Variants in DIP2B observed in about 807,000 individuals in gnomAD.
DIP2B encodes disco-interacting protein 2 homolog B.
In DIP2B, 76 loss-of-function variants were observed where a neutral mutation model predicts 198.0. That is an observed-to-expected ratio of 0.38 (90% CI 0.32 to 0.46). DIP2B has a LOEUF of 0.46. DIP2B is among the 20% of genes least tolerant of loss of function. DIP2B has a pLI of 0.99. For missense variants in DIP2B, 1,559 were observed against 1,978.4 expected (o/e 0.79, Z 4.02); for synonymous variants, 701 against 739.1 (o/e 0.95, Z 0.84).
At chr12:50,525,357 CAAAA>C (rs71083585) in intron 1 of DIP2B, among the ~76,000 whole-genome samples, 6 of 105,840 alleles carry the variant, frequency 5.7e-5, no homozygotes, top group Non-Finnish European at 6.1e-5. Flanking sequence ...GACTCCATCT[CAAAA>C]AAAAAAAAAA....
rs1026359650 is a variant in DIP2B at position 50,744,646 on chromosome 12, A to G, written c.4538A>G (p.Gln1513Arg). 2 of 1,614,110 alleles carry G rather than the reference A, an allele frequency of 1.2e-6. No homozygotes were observed. Among genetic ancestry groups the G allele is most frequent in the African/African-American group, 2.7e-5 (2 of 74,942 alleles). ...GTTGTGGAACTGTGCGGCTCTGAAC[A>G]GGAAGCCCTAGATCTGGTCCCATTA... is the stretch of plus-strand genomic sequence containing the variant. ...VVVVELCGSE[Q>R]EALDLVPLVT... The change falls in exon 38 of 38, where the codon CAG becomes CGG. Residue 1513 changes from glutamine to arginine, a missense_variant. By Grantham distance (43) the Gln-to-Arg change is conservative (BLOSUM62 1). Coordinates refer to ENST00000301180, the MANE Select transcript of DIP2B (RefSeq NM_173602.3).
At chr12:50,640,660 G>A (rs1938239315) in intron 2 of DIP2B, 64 bp from the exon 3 acceptor site, 1 of 1,577,154 alleles carries the variant, frequency 6.3e-7, no homozygotes, top group Non-Finnish European at 8.7e-7. Context: ...AATGCTTAAA[G>A]TGCTTTAGAA....
At chr12:50,536,613 G>C (rs1958269908) in intron 1 of DIP2B, among the ~76,000 whole-genome samples, 1 of 151,252 alleles carries the variant, frequency 6.6e-6, no homozygotes, top group Non-Finnish European at 1.5e-5. Context: ...TGTCACCCTG[G>C]CTGGAGTGCA....
chr12:50,541,071 C>A (rs7487645), intron 1 of DIP2B, among the ~76,000 whole-genome samples: 9,782 of 151,928 alleles, frequency 0.064, 740 homozygotes, highest in East Asian at 0.36. Flanking sequence ...CACTCTTTTC[C>A]TTTGGAGAAT....
intron 1 of DIP2B, among the ~76,000 whole-genome samples, chr12:50,600,940 TACCACC>T (rs1246327101): frequency 2.1e-5 from 1 of 47,116 alleles, no homozygotes; most frequent in Admixed American, 2.4e-4. Context: ...CCACCACCAC[TACCACC>T]ACCACCACCA....
intron 20 of DIP2B, among the ~76,000 whole-genome samples, chr12:50,704,721 T>C (rs891276335): frequency 2.6e-5 from 4 of 152,148 alleles, no homozygotes; most frequent in East Asian, 1.9e-4. Context: ...TCCCAGCACT[T>C]TGGGAGGCCG....
Position 50,674,566 on chromosome 12 carries a change from T to G in DIP2B, c.733T>G (p.Ser245Ala). ...IRPANIDLPPSGIVKGMHKGS... is the reference protein window; with the variant it reads ...IRPANIDLPPAGIVKGMHKGS... ...CCCAGCAAACATTGACCTGCCCCCC[T>G]CGGGGATAGTTAAAGGCATGCACAA... Residue 245 changes from serine to alanine, a missense_variant, in exon 6 of 38, where the codon TCG becomes GCG. Ser to Ala is a moderately conservative substitution (Grantham distance 99). Coordinates refer to ENST00000301180, the MANE Select transcript of DIP2B (RefSeq NM_173602.3). 6.2e-7 allele frequency: 1 copy of G among 1,614,144 alleles called. No homozygotes were observed. Among genetic ancestry groups the G allele is most frequent in the African/African-American group, 1.3e-5 (1 of 75,038 alleles).
intron 1 of DIP2B, among the ~76,000 whole-genome samples, chr12:50,527,709 TAAAG>T (rs768243665): frequency 6.6e-6 from 1 of 152,150 alleles, no homozygotes; most frequent in Non-Finnish European, 1.5e-5. Context: ...GACCACATCT[TAAAG>T]AAAAGATTAT....
chr12:50,727,559 T>C (rs1285881054), intron 28 of DIP2B, 144 bp from the exon 29 acceptor site: 8 of 704,190 alleles, frequency 1.1e-5, no homozygotes, highest in Non-Finnish European at 1.5e-5. Flanking sequence ...GAATGACATA[T>C]GTGAGCTACT....
At chr12:50,667,499 A>G (rs1938775732) in intron 4 of DIP2B, among the ~76,000 whole-genome samples, 2 of 152,168 alleles carry the variant, frequency 1.3e-5, no homozygotes, top group African/African-American at 4.8e-5. Context: ...AATAATATTT[A>G]AGGGACCTTG....
intron 1 of DIP2B, among the ~76,000 whole-genome samples, chr12:50,546,635 A>G (rs962269685): frequency 1.3e-5 from 2 of 152,222 alleles, no homozygotes; most frequent in African/African-American, 4.8e-5. Context: ...CTAGGATTAA[A>G]TACATTAATG....
At chr12:50,623,115 G>A (rs1937847422) in intron 1 of DIP2B, among the ~76,000 whole-genome samples, 1 of 151,964 alleles carries the variant, frequency 6.6e-6, no homozygotes, top group Admixed American at 6.6e-5. Context: ...GGCCAGGTGT[G>A]GCTCACACCT....
At chr12:50,708,081 C>T (rs541130704) in intron 21 of DIP2B, among the ~76,000 whole-genome samples, 6 of 152,182 alleles carry the variant, frequency 3.9e-5, no homozygotes, top group African/African-American at 7.2e-5. Context: ...CTCAGGGAGG[C>T]GCCCCCCGAG....
At chr12:50,688,697 G>A (rs1330834649) in intron 12 of DIP2B, among the ~76,000 whole-genome samples, 1 of 152,156 alleles carries the variant, frequency 6.6e-6, no homozygotes, top group Non-Finnish European at 1.5e-5. Flanking sequence ...ACCAAATTTA[G>A]TGATCAGCTC....
chr12:50,521,489 CTTTTTT>C (rs35971707), intron 1 of DIP2B, among the ~76,000 whole-genome samples: 3 of 98,246 alleles, frequency 3.1e-5, no homozygotes, highest in African/African-American at 8.2e-5. Flanking sequence ...AGGTTTCTTT[CTTTTTT>C]TTTTTTTTTT....
chr12:50,540,573 G>C (rs1958315092), intron 1 of DIP2B, among the ~76,000 whole-genome samples: 1 of 142,946 alleles, frequency 7.0e-6, no homozygotes, highest in African/African-American at 2.6e-5. Context: ...TGTTGAGATG[G>C]AGTCTCGCTC....
At chr12:50,610,575 G>A (rs888747378) in intron 1 of DIP2B, among the ~76,000 whole-genome samples, 11 of 151,360 alleles carry the variant, frequency 7.3e-5, no homozygotes, top group Non-Finnish European at 1.6e-4. Context: ...GCGCCATCTC[G>A]GCTCACTGCA....
rs1238009074 is a variant in DIP2B at position 50,745,124 on chromosome 12, T to A, written c.*285T>A. On this transcript the variant is annotated 3_prime_UTR_variant, in exon 38 of 38. Transcript: ENST00000301180. ...TTGCATTTTTTTCATCTGTTGTACA[T>A]AGTTGTATTTTTATCTAATGCCATT... 2.6e-6 allele frequency: 1 copy of A among 381,164 alleles called. No individual in the cohort carries two copies. The highest frequency in any genetic ancestry group is 2.0e-5 in the African/African-American group (1 of 49,080). 23.6% of individuals were successfully genotyped at this position (381,164 alleles called of 1,614,324 possible).
At chr12:50,546,664 A>T (rs763851707) in intron 1 of DIP2B, among the ~76,000 whole-genome samples, 1 of 152,196 alleles carries the variant, frequency 6.6e-6, no homozygotes, top group Non-Finnish European at 1.5e-5. Flanking sequence ...GTATTTCCTG[A>T]TTGCCTTGCA....
Sources: gnomAD v4.1 joint callset for allele counts (sites outside exome capture counted in the v4.1 genomes callset) on GRCh38, gnomAD v4.1.1 for gene constraint, MANE v1.5 for transcripts, NCBI Gene and HGNC (gene_info 2026-07-23, HGNC 2026-07-21) for gene names.